The following NRP2 variants were observed in gnomAD, a reference collection of about 807,000 sequenced individuals.
The protein encoded by NRP2 is neuropilin 2.
NRP2 carries 52 observed loss-of-function variants against 110.4 expected under a neutral mutation model. That is an observed-to-expected ratio of 0.47 (90% CI 0.38 to 0.59). NRP2 has a LOEUF of 0.59. NRP2 is among the 20% of genes least tolerant of loss of function. The probability of loss-of-function intolerance (pLI) is 0.00; values close to 1 mark genes in which losing one functional copy is unlikely to be tolerated. For synonymous variants in NRP2, 508 were observed against 468.9 expected (o/e 1.08, Z -1.08); for missense variants, 1,049 against 1,203.0 (o/e 0.87, Z 1.89).
At chr2:205,699,820 C>A (rs1399330312) in intron 2 of NRP2, among the ~76,000 whole-genome samples, 2 of 152,114 alleles carry the variant, frequency 1.3e-5, no homozygotes, top group Non-Finnish European at 2.9e-5. Flanking sequence ...TGGTTTGAAC[C>A]TAAAAAGTGA....
rs1371729281 is a variant in NRP2, at chr2:205,795,834, G to A, written c.*776G>A. ...CTGGACGAGGCTTAAAGTGCTTTGT[G>A]AGTGAATAGGAGCCATTCGCTAATT... On this transcript the variant is annotated 3_prime_UTR_variant, in exon 17 of 17. Transcript: ENST00000357785. 2 of 152,672 alleles carry A rather than the reference G, an allele frequency of 1.3e-5. No individual in the cohort carries two copies. The highest frequency in any genetic ancestry group is 2.9e-5 in the Non-Finnish European group (2 of 68,046). 9.5% of individuals were successfully genotyped at this position (152,672 alleles called of 1,614,324 possible). A position where few individuals can be genotyped will look rare whatever the true frequency, so the allele number is the denominator to read the frequency against.
intron 15 of NRP2, chr2:205,776,996 C>T (rs1343141817): frequency 9.5e-7 from 1 of 1,050,356 alleles, no homozygotes; most frequent in East Asian, 7.7e-5. Flanking sequence ...GAGAGAGCGG[C>T]TGGTTCATTG....
Position 205,683,326 on chromosome 2 carries a change from C to G in NRP2, c.36C>G (p.Ala12=), listed in dbSNP as rs2056056121. Residue 12 remains alanine, a synonymous_variant, in exon 1 of 17, where the codon GCC becomes GCG. Coordinates refer to ENST00000357785, the MANE Select transcript of NRP2 (RefSeq NM_003872.3). Reference sequence around the variant, plus strand: ...TTCCTCTCACCTGGGTTTTCTTAGCCCTCTACTTTTCAAGACACCAAGTGA... The same window carrying G: ...TTCCTCTCACCTGGGTTTTCTTAGCGCTCTACTTTTCAAGACACCAAGTGA... ...DMFPLTWVFL[A]LYFSRHQVRG... is the part of the protein sequence containing the mutation. The G allele has an allele frequency of 6.2e-7, 1 of 1,614,004 alleles. No individual in the cohort carries two copies. The highest frequency in any genetic ancestry group is 8.5e-7 in the Non-Finnish European group (1 of 1,179,894).
chr2:205,710,614 G>A (rs1371032057), intron 2 of NRP2, among the ~76,000 whole-genome samples: 2 of 152,246 alleles, frequency 1.3e-5, no homozygotes, highest in Non-Finnish European at 2.9e-5. Flanking sequence ...TGAGCCTAAG[G>A]AGCAGGTGGC....
intron 3 of NRP2, chr2:205,722,172 TACAC>T (rs10646445): frequency 0.014 from 3,848 of 268,466 alleles, 8 homozygotes; most frequent in Middle Eastern, 0.022. Context: ...CTCTCTCTCA[TACAC>T]ACACACACAC....
intron 15 of NRP2, among the ~76,000 whole-genome samples, chr2:205,787,280 C>T (rs2058246020): frequency 6.6e-6 from 1 of 152,138 alleles, no homozygotes; most frequent in Non-Finnish European, 1.5e-5. Context: ...CAGGGTGATG[C>T]TGCCACTGAC....
chr2:205,683,475 CAAT>C (rs2056062507), intron 1 of NRP2, 112 bp downstream of exon 1: 1 of 777,372 alleles, frequency 1.3e-6, no homozygotes, highest in Admixed American at 2.1e-5. Context: ...CCTCAGTACT[CAAT>C]AATTTAAAGA....
At chr2:205,784,653 G>A (rs961383094) in intron 15 of NRP2, among the ~76,000 whole-genome samples, 1 of 152,134 alleles carries the variant, frequency 6.6e-6, no homozygotes, top group African/African-American at 2.4e-5. Flanking sequence ...TGTGGCTAGG[G>A]TCTCCACCTC....
chr2:205,683,922 G>A (rs1397398816), intron 1 of NRP2, among the ~76,000 whole-genome samples: 1 of 152,200 alleles, frequency 6.6e-6, no homozygotes, highest in Non-Finnish European at 1.5e-5. Flanking sequence ...TTGGCTTGTG[G>A]CTGAGATAGG....
chr2:205,690,418 G>T (rs1052672101), intron 1 of NRP2, among the ~76,000 whole-genome samples: 2 of 152,086 alleles, frequency 1.3e-5, no homozygotes, highest in African/African-American at 4.8e-5. Context: ...CAAAACCCCT[G>T]AGATAAATTA....
intron 1 of NRP2, among the ~76,000 whole-genome samples, chr2:205,694,000 A>T (rs954927661): frequency 6.6e-6 from 1 of 152,228 alleles, no homozygotes; most frequent in African/African-American, 2.4e-5. Flanking sequence ...TTTTTAAAAG[A>T]TCTTCTTTTC....
intron 13 of NRP2, among the ~76,000 whole-genome samples, chr2:205,764,701 C>CT (rs2105920986): frequency 6.6e-6 from 1 of 152,286 alleles, no homozygotes; most frequent in East Asian, 1.9e-4. Flanking sequence ...TGAGAAATGA[C>CT]TGAAGACCAC....
Position 205,722,593 on chromosome 2 carries a change from C to A in NRP2, c.549C>A (p.Pro183=), listed in dbSNP as rs760051785. The change falls in exon 4 of 17, where the codon CCC becomes CCA. Residue 183 remains proline (P), a synonymous_variant. Transcript: ENST00000357785. Reference sequence around the variant, plus strand: ...GCACCTTTACCATCCTGGCCAAACCCAAGATGGAGATCATCCTGCAGTTCC... The same window carrying A: ...GCACCTTTACCATCCTGGCCAAACCAAAGATGGAGATCATCCTGCAGTTCC... ...LDCTFTILAK[P]KMEIILQFLI... 1.9e-6 allele frequency: 3 copies of A among 1,614,062 alleles called. No individual in the cohort carries two copies. In the African/African-American group the frequency reaches 4.0e-5, roughly 22 times the overall value.
At chr2:205,731,152 T>C (rs1169306905) in intron 7 of NRP2, among the ~76,000 whole-genome samples, 2 of 152,232 alleles carry the variant, frequency 1.3e-5, no homozygotes, top group African/African-American at 4.8e-5. Flanking sequence ...TTATGTATAT[T>C]TATGGCATAA....
intron 1 of NRP2, among the ~76,000 whole-genome samples, chr2:205,695,794 C>T (rs994465984): frequency 2.6e-5 from 4 of 152,266 alleles, no homozygotes; most frequent in East Asian, 1.9e-4. Flanking sequence ...CCAGGACCAA[C>T]GGGCCTCAAT....
At chr2:205,757,374 CT>C (rs1160906743) in intron 12 of NRP2, among the ~76,000 whole-genome samples, 5 of 152,082 alleles carry the variant, frequency 3.3e-5, no homozygotes, top group Non-Finnish European at 7.4e-5. Flanking sequence ...TTGATGCAGA[CT>C]GAGCCATTGA....
At chr2:205,695,829 T>C (rs1019134504) in intron 1 of NRP2, among the ~76,000 whole-genome samples, 1 of 152,098 alleles carries the variant, frequency 6.6e-6, no homozygotes, top group Admixed American at 6.6e-5. Flanking sequence ...GACATTAGGT[T>C]CCCAGCATGG....
At chr2:205,704,610 A>C (rs849552) in intron 2 of NRP2, among the ~76,000 whole-genome samples, 1 of 152,078 alleles carries the variant, frequency 6.6e-6, no homozygotes. Flanking sequence ...CCCATGGATC[A>C]GGGGGAAAAA....
chr2:205,771,028 C>A (rs2058014884), intron 15 of NRP2, among the ~76,000 whole-genome samples: 1 of 152,160 alleles, frequency 6.6e-6, no homozygotes, highest in Non-Finnish European at 1.5e-5. Context: ...ATGTTTTTCA[C>A]CAACTTTTCT....
Sources: allele counts gnomAD v4.1 joint callset (sites outside exome capture counted in the v4.1 genomes callset), GRCh38; gene constraint gnomAD v4.1.1; transcripts MANE v1.5; gene names NCBI Gene and HGNC (gene_info 2026-07-23, HGNC 2026-07-21).